The following CDH9 variants were observed in gnomAD, a reference collection of about 807,000 sequenced individuals.
CDH9 encodes the protein cadherin 9.
Under a neutral mutation model 70.9 loss-of-function variants are expected in CDH9, and 28 were observed. That is an observed-to-expected ratio of 0.40 (90% CI 0.29 to 0.54). The LOEUF is 0.54. Ranked by LOEUF, CDH9 falls within the 20% of genes least tolerant of loss-of-function variation. The pLI, the probability that CDH9 is intolerant of heterozygous loss-of-function variation, is 0.59. For synonymous variants in CDH9, 409 were observed against 343.1 expected (o/e 1.19, Z -2.12); for missense variants, 874 against 984.4 (o/e 0.89, Z 1.50).
chr5:26,914,975 G>A (rs1741122789), intron 3 of CDH9, among the ~76,000 whole-genome samples: 1 of 151,872 alleles, frequency 6.6e-6, no homozygotes. Flanking sequence ...CCGCACAAGT[G>A]GTATCTAAAA....
chr5:26,972,966 C>T (rs562247500), intron 2 of CDH9, among the ~76,000 whole-genome samples: 11 of 151,878 alleles, frequency 7.2e-5, no homozygotes, highest in African/African-American at 2.2e-4. Context: ...CAGGTTCAAG[C>T]GATTCTCCTG....
chr5:27,005,389 T>C (rs985670197), intron 1 of CDH9, among the ~76,000 whole-genome samples: 2 of 152,000 alleles, frequency 1.3e-5, no homozygotes, highest in South Asian at 2.1e-4. Context: ...AAAGAAGACA[T>C]ACATGCGGCC....
Position 26,926,128 on chromosome 5 carries a change from A to G in CDH9, c.229-10204T>C, listed in dbSNP as rs530076967. 1.4e-4 allele frequency among the ~76,000 whole-genome samples: 21 copies of G among 152,296 alleles called. No homozygotes were observed. In the East Asian group the frequency reaches 4.1e-3, roughly 29 times the overall value. ...AAGATAAATAAATAAAGCGTATTCA[A>G]TTAGGAAAAGAGGAAGTCAAATTGT... On this transcript the variant is annotated intron_variant, in intron 2 of 11. Coordinates refer to ENST00000231021, the MANE Select transcript of CDH9 (RefSeq NM_016279.4).
intron 3 of CDH9, among the ~76,000 whole-genome samples, chr5:26,910,148 T>C (rs1202533937): frequency 1.3e-5 from 2 of 152,144 alleles, no homozygotes; most frequent in Non-Finnish European, 2.9e-5. Context: ...TATGAAAATG[T>C]TTTGAATCTA....
intron 7 of CDH9, among the ~76,000 whole-genome samples, chr5:26,893,502 T>C (rs1740695601): frequency 6.6e-6 from 1 of 152,178 alleles, no homozygotes; most frequent in Non-Finnish European, 1.5e-5. Flanking sequence ...TAATCGTTAT[T>C]GTAATCTTTT....
intron 2 of CDH9, among the ~76,000 whole-genome samples, chr5:26,941,968 C>A (rs924190514): frequency 2.0e-5 from 3 of 152,154 alleles, no homozygotes; most frequent in African/African-American, 4.8e-5. Flanking sequence ...TGCTAAGGTG[C>A]TAGCTAGGAT....
At chr5:26,946,690 A>G (rs1335028315) in intron 2 of CDH9, among the ~76,000 whole-genome samples, 3 of 152,194 alleles carry the variant, frequency 2.0e-5, no homozygotes, top group Non-Finnish European at 4.4e-5. Flanking sequence ...CATCGCTGGT[A>G]CAAGCCTCAC....
intron 7 of CDH9, among the ~76,000 whole-genome samples, chr5:26,901,978 A>T (rs112835057): frequency 1.3e-5 from 2 of 152,038 alleles, no homozygotes; most frequent in South Asian, 4.1e-4. Context: ...TTCAAAAGAA[A>T]ATATTTCATA....
At chr5:26,925,680 T>G (rs1579454779) in intron 2 of CDH9, among the ~76,000 whole-genome samples, 1 of 152,174 alleles carries the variant, frequency 6.6e-6, no homozygotes, top group East Asian at 1.9e-4. Flanking sequence ...TTTATGGTTT[T>G]AAGTCTAAAA....
At chr5:26,988,476 A>C in intron 1 of CDH9, 94 bp from the exon 2 acceptor site, 1 of 1,130,650 alleles carries the variant, frequency 8.8e-7, no homozygotes, top group Non-Finnish European at 1.2e-6. Flanking sequence ...ACATTATTTA[A>C]ATTTTATTAT....
intron 2 of CDH9, among the ~76,000 whole-genome samples, chr5:26,976,570 T>C (rs1193139524): frequency 6.6e-6 from 1 of 152,142 alleles, no homozygotes; most frequent in Admixed American, 6.6e-5. Flanking sequence ...CCCAAAGAGC[T>C]GAGACCACAG....
intron 7 of CDH9, 51 bp downstream of exon 7, chr5:26,902,425 G>A (rs752568672): frequency 1.0e-5 from 13 of 1,257,358 alleles, no homozygotes; most frequent in African/African-American, 3.0e-5. Context: ...TTTGTAAATA[G>A]TGAGATTATT....
At chr5:27,015,678 G>A (rs970977542) in intron 1 of CDH9, among the ~76,000 whole-genome samples, 2 of 151,540 alleles carry the variant, frequency 1.3e-5, no homozygotes, top group African/African-American at 4.8e-5. Context: ...ATGATTCCCA[G>A]AATTATTTGA....
At chr5:26,979,260 T>C (rs1461712762) in intron 2 of CDH9, among the ~76,000 whole-genome samples, 3 of 151,544 alleles carry the variant, frequency 2.0e-5, no homozygotes, top group Admixed American at 6.6e-5. Flanking sequence ...GTAAGATGAG[T>C]GTATTATATG....
At chr5:26,895,448 G>A (rs1740732793) in intron 7 of CDH9, among the ~76,000 whole-genome samples, 1 of 152,038 alleles carries the variant, frequency 6.6e-6, no homozygotes, top group African/African-American at 2.4e-5. Context: ...TTGAAGTCAT[G>A]GACATTTTAT....
At chr5:26,931,871 T>C (rs1741469033) in intron 2 of CDH9, among the ~76,000 whole-genome samples, 3 of 151,706 alleles carry the variant, frequency 2.0e-5, no homozygotes. Context: ...AATCAGAAAA[T>C]GGAGAAAAGA....
chr5:27,026,629 C>T lies in CDH9; in HGVS notation c.-50+11834G>A, dbSNP rs144729194. Reference sequence around the variant, plus strand: ...ATCATACTCACTGCTACAATATTAGCACCCAGAAAAATGTATGATGCATAG... The same window carrying T: ...ATCATACTCACTGCTACAATATTAGTACCCAGAAAAATGTATGATGCATAG... On this transcript the variant is annotated intron_variant, in intron 1 of 11. Coordinates refer to ENST00000231021, the MANE Select transcript of CDH9 (RefSeq NM_016279.4). Among the ~76,000 whole-genome samples the T allele has an allele frequency of 4.4e-3, 673 of 152,030 alleles. 5 individuals carry two copies. The highest frequency in any genetic ancestry group is 0.015 in the African/African-American group (640 of 41,528).
chr5:27,020,162 C>T (rs1254808716), intron 1 of CDH9, among the ~76,000 whole-genome samples: 1 of 151,428 alleles, frequency 6.6e-6, no homozygotes, highest in African/African-American at 2.4e-5. Flanking sequence ...TCTGAATTGC[C>T]TACTATGTTA....
At chr5:26,909,222 G>A (rs1741004466) in intron 3 of CDH9, among the ~76,000 whole-genome samples, 1 of 152,050 alleles carries the variant, frequency 6.6e-6, no homozygotes, top group Non-Finnish European at 1.5e-5. Flanking sequence ...CTGACCTCAT[G>A]ATCGCCCGCC....
Sources: allele counts gnomAD v4.1 joint callset (sites outside exome capture counted in the v4.1 genomes callset), GRCh38; gene constraint gnomAD v4.1.1; transcripts MANE v1.5; gene names NCBI Gene and HGNC (gene_info 2026-07-23, HGNC 2026-07-21).